CHD2: variants seen among roughly 807,000 people sequenced by gnomAD.
CHD2 encodes the protein chromodomain helicase DNA binding protein 2.
A neutral mutation model predicts 243.9 loss-of-function variants in CHD2; 28 were observed. The ratio of observed to expected loss-of-function variants is 0.11; its 90% CI spans 0.09 to 0.16. The LOEUF is 0.16. CHD2 is among the 10% of genes least tolerant of loss of function. The pLI is 1.00. For synonymous variants in CHD2, 775 were observed against 779.0 expected, an observed-to-expected ratio of 0.99 and a Z score of 0.09; for missense variants, 1,386 against 2,209.8, an observed-to-expected ratio of 0.63 and a Z score of 7.47.
intron 6 of CHD2, 111 bp from the exon 7 acceptor site, chr15:92,939,467 G>A: frequency 4.4e-6 from 5 of 1,140,008 alleles, no homozygotes; most frequent in Non-Finnish European, 6.1e-6. Context: ...TTCCCCAAGT[G>A]AAATGTTACA....
In CHD2 at chr15:92,924,107, T is replaced by C. The variant is rs77734149; in HGVS notation, c.63-214T>C. ...AGAAATAACCTGTTCTGTAGCATCATGTAAACATTCAGGAAAGGGTAGCTA... is the reference window on the plus strand; with the variant it reads ...AGAAATAACCTGTTCTGTAGCATCACGTAAACATTCAGGAAAGGGTAGCTA... On this transcript the variant is annotated intron_variant, in intron 2 of 38. Transcript: ENST00000394196. Among the ~76,000 whole-genome samples the C allele has an allele frequency of 5.3e-3, 811 of 152,314 alleles. 8 individuals are homozygous for C. Among genetic ancestry groups the C allele is most frequent in the African/African-American group, 0.019 (790 of 41,568 alleles).
intron 3 of CHD2, among the ~76,000 whole-genome samples, chr15:92,925,214 C>T (rs1437260079): frequency 2.0e-5 from 3 of 152,190 alleles, no homozygotes; most frequent in African/African-American, 7.2e-5. Flanking sequence ...CTTTGATAAT[C>T]ATTATCCTAA....
At position 93,024,522 on chromosome 15, in the gene CHD2, T is replaced by C. The variant is rs1006801815; in HGVS notation, c.5304T>C (p.Asp1768=). 1 of 1,614,062 alleles carries C rather than the reference T, an allele frequency of 6.2e-7. No homozygotes were observed. Among genetic ancestry groups the C allele is most frequent in the Non-Finnish European group, 8.5e-7 (1 of 1,180,040 alleles). ...ACCATTACCGCTCTTTCCACACAGATAAACTGGGGGAATATAAACAGCCTC... is the reference window on the plus strand; with the variant it reads ...ACCATTACCGCTCTTTCCACACAGACAAACTGGGGGAATATAAACAGCCTC... ...PSDHYRSFHT[D]KLGEYKQPLP... Residue 1768 remains aspartate, a synonymous_variant, in exon 39 of 39, where the codon GAT becomes GAC. Transcript: ENST00000394196.
At chr15:92,922,879 G>T (rs546471155) in intron 2 of CHD2, among the ~76,000 whole-genome samples, 1 of 152,096 alleles carries the variant, frequency 6.6e-6, no homozygotes, top group Non-Finnish European at 1.5e-5. Flanking sequence ...CTGTGCTTGA[G>T]ATTGATACTC....
Position 92,997,142 on chromosome 15 carries a change from A to G in CHD2, c.3734+47A>G, listed in dbSNP as rs1395864205. 6.2e-7 allele frequency: 1 copy of G among 1,603,864 alleles called. No individual in the cohort carries two copies. The highest frequency in any genetic ancestry group is 8.5e-7 in the Non-Finnish European group (1 of 1,176,588). On this transcript the variant is annotated intron_variant, in intron 29 of 38. Coordinates refer to ENST00000394196, the MANE Select transcript of CHD2 (RefSeq NM_001271.4). The surrounding 1 kb of genome is among the most constrained non-coding windows in gnomAD (Gnocchi z 4.1). ...GCTTAGATGGTCGTACCGTAAGAAA[A>G]TAGATTTGAAGTTAGACTTTGTGTA...
Position 92,998,260 on chromosome 15 carries a change from A to G in CHD2, c.3886-239A>G. On this transcript the variant is annotated intron_variant, in intron 30 of 38. Coordinates refer to ENST00000394196, the MANE Select transcript of CHD2 (RefSeq NM_001271.4). This position sits in a 1 kb window ranked among gnomAD's most constrained non-coding sequence, Gnocchi z 5.1. ...AGTTGTTCTACCCTGTTAACAGCAC[A>G]GGTAGGAGCCATTGGGAGAGCTGGA... 1 of 1,243,014 alleles carries G rather than the reference A, an allele frequency of 8.0e-7. No individual in the cohort carries two copies. The allele number at this position is 1,243,014 out of a possible 1,614,324, so 77.0% of individuals were successfully genotyped here. A position where few individuals can be genotyped will look rare whatever the true frequency, so the allele number is the denominator to read the frequency against.
At chr15:93,012,558 G>C (rs1160578833) in intron 36 of CHD2, 114 bp downstream of exon 36, 2 of 645,402 alleles carry the variant, frequency 3.1e-6, no homozygotes, top group Admixed American at 3.5e-5. Context: ...GTTATTGCTG[G>C]TGCTAATAGT....
chr15:92,953,294 G>C, intron 13 of CHD2, 63 bp from the exon 14 acceptor site: 1 of 1,357,530 alleles, frequency 7.4e-7, no homozygotes, highest in Non-Finnish European at 1.0e-6. Context: ...TGCTGTTTAT[G>C]CACATTCTGT....
At chr15:92,900,914 G>T in intron 1 of CHD2, 90 bp downstream of exon 1, 1 of 405,636 alleles carries the variant, frequency 2.5e-6, no homozygotes, top group Non-Finnish European at 4.3e-6. Flanking sequence ...CTTGGATGAC[G>T]CAATAAGATA....
chr15:92,999,225 G>C (rs780070994), intron 31 of CHD2, among the ~76,000 whole-genome samples: 1 of 150,532 alleles, frequency 6.6e-6, no homozygotes, highest in African/African-American at 2.5e-5. Context: ...CACACATACT[G>C]TTACTGTTTC....
intron 4 of CHD2, among the ~76,000 whole-genome samples, chr15:92,928,677 A>C (rs2053110682): frequency 6.6e-6 from 1 of 152,248 alleles, no homozygotes; most frequent in Admixed American, 6.5e-5. Context: ...CAGTCACACC[A>C]GTCACATTTT....
chr15:93,000,601 T>G lies in CHD2; in HGVS notation c.4098T>G (p.Pro1366=), dbSNP rs1478793992. ...AGCATGGAATTGAGCTTTCATCTCCTAGGCATTCAGATAATCCATCAGAAG... is the reference window on the plus strand; with the variant it reads ...AGCATGGAATTGAGCTTTCATCTCCGAGGCATTCAGATAATCCATCAGAAG... The part of the protein sequence containing the change: ...KEEHGIELSS[P]RHSDNPSEEG... The change falls in exon 32 of 39, where the codon CCT becomes CCG. Residue 1366 remains proline (P), a synonymous_variant. Coordinates refer to ENST00000394196, the MANE Select transcript of CHD2 (RefSeq NM_001271.4). The G allele has an allele frequency of 1.6e-5, 26 of 1,613,632 alleles. No individual in the cohort carries two copies. The highest frequency in any genetic ancestry group is 2.2e-5 in the Non-Finnish European group (26 of 1,179,748).
chr15:92,981,282 A>T, intron 23 of CHD2, 83 bp from the exon 24 acceptor site: 6 of 893,528 alleles, frequency 6.7e-6, no homozygotes, highest in Non-Finnish European at 1.1e-5. Context: ...AAACATTTTT[A>T]GTAAATACGA....
intron 4 of CHD2, 64 bp downstream of exon 4, chr15:92,927,394 T>C: frequency 2.5e-6 from 3 of 1,206,060 alleles, no homozygotes; most frequent in Non-Finnish European, 3.6e-6. Flanking sequence ...TCTTTCTGAC[T>C]CTGGTATGTA....
At position 92,998,589 on chromosome 15, in the gene CHD2, GAGA is replaced by G. The variant is rs1410645881; in HGVS notation, c.3982_3984del (p.Lys1328del). Reference sequence around the variant, plus strand: ...GTTGAAGCTGCTCAGAAAGGGTCTGGAGAAGAAGGGGGCTGTGACAGGTGGGGA... The same window carrying G: ...GTTGAAGCTGCTCAGAAAGGGTCTGGAGAAGGGGGCTGTGACAGGTGGGGA... On this transcript the variant is annotated inframe_deletion, in exon 31 of 39. Coordinates refer to ENST00000394196, the MANE Select transcript of CHD2 (RefSeq NM_001271.4). This position sits in a 1 kb window ranked among gnomAD's most constrained non-coding sequence, Gnocchi z 5.1. The G allele has an allele frequency of 3.7e-6, 6 of 1,613,082 alleles. No homozygotes were observed. Among genetic ancestry groups the G allele is most frequent in the East Asian group, 4.5e-5 (2 of 44,890 alleles).
rs371078680 is a variant in CHD2 at position 92,924,369 on chromosome 15, G to A, written c.111G>A (p.Ser37=). ...EASGSDSGSQ[S]ESEQGSDPGS... ...CGGGTTCAGACTCAGGCAGTCAGTC[G>A]GAAAGTGAGCAGGGAAGTGATCCAG... The change falls in exon 3 of 39, where the codon TCG becomes TCA. Residue 37 remains serine (S), a synonymous_variant. Coordinates refer to ENST00000394196, the MANE Select transcript of CHD2 (RefSeq NM_001271.4). 6.2e-6 allele frequency: 10 copies of A among 1,613,838 alleles called. No homozygotes were observed. Among genetic ancestry groups the A allele is most frequent in the African/African-American group, 1.3e-5 (1 of 74,872 alleles).
intron 15 of CHD2, 136 bp downstream of exon 15, chr15:92,955,648 G>C: frequency 6.1e-6 from 3 of 495,388 alleles, no homozygotes; most frequent in Non-Finnish European, 1.0e-5. Flanking sequence ...GGTAGGGTCT[G>C]TACCTCCTAC....
chr15:92,919,821 A>G (rs1378794244), intron 2 of CHD2, among the ~76,000 whole-genome samples: 1 of 152,248 alleles, frequency 6.6e-6, no homozygotes, highest in African/African-American at 2.4e-5. Context: ...TAGTTTAGAC[A>G]TTAAAAATAC....
At chr15:92,925,001 A>C (rs907301413) in intron 3 of CHD2, among the ~76,000 whole-genome samples, 2 of 152,046 alleles carry the variant, frequency 1.3e-5, no homozygotes, top group Non-Finnish European at 2.9e-5. Context: ...GGGTTTCATC[A>C]TGTTGGCCAT....
Sources: allele counts gnomAD v4.1 joint callset (sites outside exome capture counted in the v4.1 genomes callset), GRCh38; gene constraint gnomAD v4.1.1; non-coding constraint Gnocchi (gnomAD v3.1); transcripts MANE v1.5; gene names NCBI Gene and HGNC (gene_info 2026-07-23, HGNC 2026-07-21).